GRM8: variants seen among roughly 807,000 people sequenced by gnomAD.
GRM8 encodes metabotropic glutamate receptor 8.
Under a neutral mutation model 87.2 loss-of-function variants are expected in GRM8, and 47 were observed. The ratio of observed to expected loss-of-function variants is 0.54; its 90% CI spans 0.43 to 0.69. The LOEUF (loss-of-function observed/expected upper bound fraction) is 0.69. GRM8 is among the 30% of genes least tolerant of loss of function. The pLI, the probability that GRM8 is intolerant of heterozygous loss-of-function variation, is 0.00. For synonymous variants in GRM8, 396 were observed against 404.5 expected (o/e 0.98, Z 0.25); for missense variants, 1,019 against 1,139.2 (o/e 0.89, Z 1.52).
At chr7:126,640,922 A>C (rs1053526319) in intron 7 of GRM8, among the ~76,000 whole-genome samples, 27 of 152,152 alleles carry the variant, frequency 1.8e-4, no homozygotes, top group Non-Finnish European at 1.2e-4. Context: ...CTGCTCGGTA[A>C]TATGTCATTA....
At chr7:126,439,371 G>T (rs1463284998) in intron 10 of GRM8, among the ~76,000 whole-genome samples, 1 of 152,030 alleles carries the variant, frequency 6.6e-6, no homozygotes, top group East Asian at 1.9e-4. Flanking sequence ...ATATAAAGGT[G>T]GTCCCATGAG....
At chr7:127,098,448 G>T (rs963007376) in intron 3 of GRM8, among the ~76,000 whole-genome samples, 2 of 151,890 alleles carry the variant, frequency 1.3e-5, no homozygotes, top group African/African-American at 4.8e-5. Context: ...CTTGCTTCTT[G>T]TTTATAACCC....
In GRM8 at chr7:127,041,416, G is replaced by A. The variant is rs915882742; in HGVS notation, c.727+65080C>T. On this transcript the variant is annotated intron_variant, in intron 3 of 10. Transcript: ENST00000339582. The stretch of plus-strand genomic sequence containing the variant: ...CTCAAAATTTATCAGTGTCTTCCTT[G>A]TACTTATAAAATAGAAGTTTCCATT... Among the ~76,000 whole-genome samples, 5 of 152,172 alleles carry A rather than the reference G, an allele frequency of 3.3e-5. No homozygotes were observed. The East Asian group carries it at 9.6e-4, about 29-fold the overall frequency.
At chr7:126,900,174 T>G (rs1213406525) in intron 6 of GRM8, among the ~76,000 whole-genome samples, 5 of 152,214 alleles carry the variant, frequency 3.3e-5, no homozygotes, top group Admixed American at 1.3e-4. Context: ...TTTAGTGAAC[T>G]GTCTGTGGGG....
chr7:127,028,955 T>C (rs1298631009), intron 3 of GRM8, among the ~76,000 whole-genome samples: 1 of 152,196 alleles, frequency 6.6e-6, no homozygotes, highest in African/African-American at 2.4e-5. Flanking sequence ...TCTTTCCTGC[T>C]TTCTTTTGTG....
chr7:127,035,402 A>C (rs932651511), intron 3 of GRM8, among the ~76,000 whole-genome samples: 1 of 152,180 alleles, frequency 6.6e-6, no homozygotes, highest in African/African-American at 2.4e-5. Flanking sequence ...AAATTAACCA[A>C]GTGATTGATT....
chr7:126,895,888 A>T (rs1370294940), intron 6 of GRM8, among the ~76,000 whole-genome samples: 1 of 151,152 alleles, frequency 6.6e-6, no homozygotes, highest in East Asian at 1.9e-4. Flanking sequence ...GCTTCACTTT[A>T]TAGTTGGTGA....
chr7:127,233,014 T>C (rs1161854097), intron 2 of GRM8, among the ~76,000 whole-genome samples: 1 of 152,068 alleles, frequency 6.6e-6, no homozygotes, highest in African/African-American at 2.4e-5. Flanking sequence ...ATTTTGTATT[T>C]AGAGACGGGG....
chr7:126,980,379 C>T (rs1245489747), intron 3 of GRM8, among the ~76,000 whole-genome samples: 1 of 152,190 alleles, frequency 6.6e-6, no homozygotes, highest in Admixed American at 6.5e-5. Flanking sequence ...TTCATGGTAA[C>T]AAGATATTTT....
At chr7:127,086,049 A>G (rs182301834) in intron 3 of GRM8, among the ~76,000 whole-genome samples, 1 of 152,330 alleles carries the variant, frequency 6.6e-6, no homozygotes, top group African/African-American at 2.4e-5. Context: ...AGTGAGGAAG[A>G]AAACAAAGGC....
chr7:126,589,168 G>A (rs1035436185), intron 8 of GRM8, among the ~76,000 whole-genome samples: 1 of 152,214 alleles, frequency 6.6e-6, no homozygotes, highest in East Asian at 1.9e-4. Flanking sequence ...AGGCAGGCAA[G>A]GAGGTATGAA....
chr7:126,580,207 C>A (rs530339485), intron 8 of GRM8, among the ~76,000 whole-genome samples: 1 of 152,136 alleles, frequency 6.6e-6, no homozygotes, highest in African/African-American at 2.4e-5. Context: ...AGAGTAGTGA[C>A]TGATAATAGT....
chr7:126,861,460 T>C (rs903159868), intron 6 of GRM8, among the ~76,000 whole-genome samples: 4 of 152,060 alleles, frequency 2.6e-5, no homozygotes, highest in African/African-American at 9.7e-5. Flanking sequence ...CATTACTAGA[T>C]ATTGCTAAAC....
intron 6 of GRM8, among the ~76,000 whole-genome samples, chr7:126,805,275 C>T (rs569292299): frequency 6.6e-6 from 1 of 152,242 alleles, no homozygotes; most frequent in Admixed American, 6.5e-5. Context: ...CATAAGATGC[C>T]CCACCTCTGG....
chr7:126,996,557 T>C (rs1282988703), intron 3 of GRM8, among the ~76,000 whole-genome samples: 1 of 151,966 alleles, frequency 6.6e-6, no homozygotes, highest in Non-Finnish European at 1.5e-5. Context: ...ATAAAAAACA[T>C]ACTTCAACTA....
intron 2 of GRM8, among the ~76,000 whole-genome samples, chr7:127,206,293 C>T (rs924518657): frequency 2.6e-5 from 4 of 152,098 alleles, no homozygotes; most frequent in Admixed American, 6.6e-5. Context: ...TGCCCAAATG[C>T]GGTGAAGACC....
intron 1 of GRM8, among the ~76,000 whole-genome samples, chr7:127,243,943 T>G (rs1798445675): frequency 6.6e-6 from 1 of 151,932 alleles, no homozygotes; most frequent in Admixed American, 6.6e-5. Context: ...AACAAGCCAG[T>G]CATCTGTTAA....
At chr7:126,801,927 G>A (rs1004353147) in intron 6 of GRM8, among the ~76,000 whole-genome samples, 6 of 152,166 alleles carry the variant, frequency 3.9e-5, no homozygotes, top group African/African-American at 1.4e-4. Flanking sequence ...ACATTGGACT[G>A]CCAGCAAGTG....
intron 7 of GRM8, among the ~76,000 whole-genome samples, chr7:126,713,760 AT>A (rs1287264798): frequency 6.6e-6 from 1 of 152,034 alleles, no homozygotes; most frequent in Non-Finnish European, 1.5e-5. Flanking sequence ...GTTATAATGA[AT>A]ATGTTTGATG....
Sources: allele counts gnomAD v4.1 joint callset (sites outside exome capture counted in the v4.1 genomes callset), GRCh38; gene constraint gnomAD v4.1.1; transcripts MANE v1.5; gene names NCBI Gene and HGNC (gene_info 2026-07-23, HGNC 2026-07-21).